The following MTMR10 variants were observed in gnomAD, a reference collection of about 807,000 sequenced individuals.
MTMR10 encodes the protein myotubularin related protein 10.
A neutral mutation model predicts 88.1 loss-of-function variants in MTMR10; 56 were observed. The observed-to-expected ratio is 0.64, with a 90% CI of 0.51 to 0.79. MTMR10 has a LOEUF of 0.79. MTMR10 is among the 30% of genes least tolerant of loss of function. MTMR10 has a pLI of 0.00. For synonymous variants in MTMR10, 380 were observed against 340.9 expected (o/e 1.11, Z -1.26); for missense variants, 883 against 924.7 (o/e 0.95, Z 0.58).
At chr15:30,972,584 TTCCACAGCAC>T (rs2063550575) in intron 5 of MTMR10, among the ~76,000 whole-genome samples, 1 of 152,148 alleles carries the variant, frequency 6.6e-6, no homozygotes, top group Non-Finnish European at 1.5e-5. Flanking sequence ...TATTCTGAAT[TTCCACAGCAC>T]TTATTATGCT....
Position 30,941,297 on chromosome 15 carries a change from T to C in MTMR10, c.*173A>G. 6.6e-7 allele frequency: 1 copy of C among 1,516,850 alleles called. No individual in the cohort carries two copies. The highest frequency in any genetic ancestry group is 8.8e-7 in the Non-Finnish European group (1 of 1,135,432). The allele number at this position is 1,516,850 out of a possible 1,614,324, so 94.0% of individuals were successfully genotyped here. The stretch of plus-strand genomic sequence containing the variant: ...GACAGGAACAAAATTTACATCTCTC[T>C]TAAAATAAGTGTGAAAGAAGCATGA... On this transcript the variant is annotated 3_prime_UTR_variant, in exon 16 of 16. Transcript: ENST00000435680.
intron 14 of MTMR10, among the ~76,000 whole-genome samples, chr15:30,945,928 A>C (rs1221401047): frequency 2.0e-5 from 3 of 152,190 alleles, no homozygotes; most frequent in Non-Finnish European, 2.9e-5. Context: ...AGCTGGGACC[A>C]CAGGTGCGCA....
chr15:30,951,286 A>G (rs2063242071), intron 12 of MTMR10, among the ~76,000 whole-genome samples: 2 of 152,238 alleles, frequency 1.3e-5, no homozygotes. Context: ...CCTTAGAGTC[A>G]TAATCTAGCA....
intron 2 of MTMR10, among the ~76,000 whole-genome samples, chr15:30,977,403 C>T (rs1373658362): frequency 6.6e-6 from 1 of 152,178 alleles, no homozygotes; most frequent in Non-Finnish European, 1.5e-5. Flanking sequence ...CTCAGCTTCA[C>T]TGAATGTAAA....
downstream of MTMR10, among the ~76,000 whole-genome samples, chr15:30,937,988 A>G (rs577392165): frequency 1.5e-4 from 23 of 151,896 alleles, no homozygotes; most frequent in African/African-American, 4.8e-4. Context: ...GATCGAGACC[A>G]TCCTGGCCAA....
intron 6 of MTMR10, among the ~76,000 whole-genome samples, chr15:30,966,469 A>T (rs1241885906): frequency 6.6e-6 from 1 of 152,186 alleles, no homozygotes; most frequent in Non-Finnish European, 1.5e-5. Context: ...TTTCTATTGG[A>T]AAAACAGCAG....
chr15:30,942,969 A>AG lies in MTMR10; in HGVS notation c.1651dup (p.Leu551ProfsTer4). 6.4e-7 allele frequency: 1 copy of AG among 1,558,090 alleles called. No individual in the cohort carries two copies. Reference sequence around the variant, plus strand: ...TCCAATGTAGAAGGGGTTATGGAAAAGGGTGCGATCCTTTGCTGTAAACTG... The same window carrying AG: ...TCCAATGTAGAAGGGGTTATGGAAAAGGGGTGCGATCCTTTGCTGTAAACTG... On this transcript the variant is annotated frameshift_variant, in exon 15 of 16. Transcript: ENST00000435680. LOFTEE classifies it high-confidence loss of function.
chr15:30,974,594 T>C (rs2029973047), intron 4 of MTMR10, 138 bp from the exon 5 acceptor site: 1 of 863,594 alleles, frequency 1.2e-6, no homozygotes, highest in Non-Finnish European at 1.6e-6. Flanking sequence ...GTTTCATACT[T>C]GTAATTCCTA....
the MTMR10 span, chr15:30,928,005 G>A: frequency 2.0e-6 from 2 of 985,710 alleles, no homozygotes; most frequent in South Asian, 4.7e-5. Context: ...CTTGACTATC[G>A]GAAGCACTGG....
chr15:30,924,064 A>G, the MTMR10 span, among the ~76,000 whole-genome samples: 1 of 152,082 alleles, frequency 6.6e-6, no homozygotes. Flanking sequence ...GTGCCTGTTC[A>G]TTTCATTCAT....
rs764568512 is a variant in MTMR10 at position 30,942,877 on chromosome 15, A to G, written c.1731+13T>C. 5.2e-6 allele frequency: 8 copies of G among 1,551,478 alleles called. No individual in the cohort carries two copies. In the South Asian group the frequency reaches 9.6e-5, roughly 19 times the overall value. On this transcript the variant is annotated intron_variant, in intron 15 of 15. Transcript: ENST00000435680. The stretch of plus-strand genomic sequence containing the variant: ...GTGTGAGCCAACATCACGTTTTGTT[A>G]GCTGTGATTTACCTTTGTCCGTTTA...
chr15:30,929,805 A>T, the MTMR10 span, among the ~76,000 whole-genome samples: 1 of 72,406 alleles, frequency 1.4e-5, no homozygotes, highest in African/African-American at 7.3e-5. Context: ...ATAATATATA[A>T]AATATATAAT....
At position 30,959,057 on chromosome 15, in the gene MTMR10, A is replaced by C; in HGVS notation, c.823T>G (p.Ser275Ala). 6.2e-7 allele frequency: 1 copy of C among 1,613,430 alleles called. No individual in the cohort carries two copies. ...ADQDLKIFSH[S>A]FVGRRMPLWC... Reference sequence around the variant, plus strand: ...ACTGGCATCCTTCTCCCAACAAAAGAATGGGAAAAGATCTTTAGATCTTGG... The same window carrying C: ...ACTGGCATCCTTCTCCCAACAAAAGCATGGGAAAAGATCTTTAGATCTTGG... The change falls in exon 8 of 16, where the codon TCT (serine) becomes GCT (alanine). Residue 275 changes from serine to alanine, a missense_variant. Physicochemically the swap from Ser to Ala is moderately conservative, Grantham distance 99. Around this residue, in one of 3 missense-constraint regions of MTMR10, gnomAD observed 414 missense variants for 423.2 expected, o/e 0.98. Coordinates refer to ENST00000435680, the MANE Select transcript of MTMR10 (RefSeq NM_017762.3).
At chr15:30,983,770 C>T (rs2030748423) in intron 2 of MTMR10, among the ~76,000 whole-genome samples, 1 of 152,186 alleles carries the variant, frequency 6.6e-6, no homozygotes, top group African/African-American at 2.4e-5. Flanking sequence ...ACAAGCTGGT[C>T]ACCCTAGCTT....
chr15:30,987,925 T>C (rs1057263908), intron 2 of MTMR10, among the ~76,000 whole-genome samples: 21 of 144,060 alleles, frequency 1.5e-4, no homozygotes, highest in Non-Finnish European at 3.0e-5. Flanking sequence ...CCGGTGTCCA[T>C]GTTGAACAAT....
Position 30,967,984 on chromosome 15 carries a change from G to C in MTMR10, c.501C>G (p.Ser167=), listed in dbSNP as rs1456646054. ...KKVCLAIAHY[S]QPTDLQLLFA... Reference sequence around the variant, plus strand: ...AGAGTAGCTGGAGGTCTGTTGGCTGGGAATAATGAGCTATTGCAAGGCATA... The same window carrying C: ...AGAGTAGCTGGAGGTCTGTTGGCTGCGAATAATGAGCTATTGCAAGGCATA... The change falls in exon 6 of 16, where the codon TCC becomes TCG. Residue 167 remains serine, a synonymous_variant. Coordinates refer to ENST00000435680, the MANE Select transcript of MTMR10 (RefSeq NM_017762.3). The C allele has an allele frequency of 7.0e-6, 11 of 1,571,334 alleles. No homozygotes were observed. The highest frequency in any genetic ancestry group is 9.5e-6 in the Non-Finnish European group (11 of 1,157,030).
chr15:30,968,841 T>C (rs1454651114), intron 5 of MTMR10, among the ~76,000 whole-genome samples: 2 of 152,166 alleles, frequency 1.3e-5, no homozygotes, highest in Non-Finnish European at 2.9e-5. Flanking sequence ...TGGCTGTTAT[T>C]ATTCTCAACT....
At chr15:30,979,806 G>A (rs2030433195) in intron 2 of MTMR10, among the ~76,000 whole-genome samples, 1 of 152,240 alleles carries the variant, frequency 6.6e-6, no homozygotes. Flanking sequence ...GTGAGAATGA[G>A]ACAAAGAAGA....
chr15:30,974,433 T>C lies in MTMR10; in HGVS notation c.355A>G (p.Lys119Glu). ...VTVNDHKRKQKVLGPNQKLKF... is the reference protein window; with the variant it reads ...VTVNDHKRKQEVLGPNQKLKF... ...AGTTTCTGGTTGGGGCCTAGGACTTTCTGCTTCCTCTTGTGGTCGTTTACT... is the reference window on the plus strand; with the variant it reads ...AGTTTCTGGTTGGGGCCTAGGACTTCCTGCTTCCTCTTGTGGTCGTTTACT... Residue 119 changes from lysine to glutamate, a missense_variant, in exon 5 of 16, where the codon AAA becomes GAA. Coordinates refer to ENST00000435680, the MANE Select transcript of MTMR10 (RefSeq NM_017762.3). 3.2e-6 allele frequency: 5 copies of C among 1,570,358 alleles called. No homozygotes were observed. Among genetic ancestry groups the C allele is most frequent in the African/African-American group, 2.7e-5 (2 of 73,474 alleles).
Sources: allele counts gnomAD v4.1 joint callset (sites outside exome capture counted in the v4.1 genomes callset), GRCh38; gene constraint gnomAD v4.1.1; regional missense constraint gnomAD v4.1.1; transcripts MANE v1.5; gene names NCBI Gene and HGNC (gene_info 2026-07-23, HGNC 2026-07-21).